Variants in STX12 observed in about 807,000 individuals in gnomAD.
The protein encoded by STX12 is syntaxin 12.
A neutral mutation model predicts 42.2 loss-of-function variants in STX12; 17 were observed. That is an observed-to-expected ratio of 0.40 (90% CI 0.28 to 0.60). STX12 has a LOEUF of 0.60. Among genes scored for constraint, STX12 ranks in the 20% least tolerant of loss-of-function variants. The probability of loss-of-function intolerance (pLI) is 0.39; values close to 1 mark genes in which losing one functional copy is unlikely to be tolerated. For synonymous variants in STX12, 108 were observed against 116.7 expected (o/e 0.93, Z 0.48); for missense variants, 297 against 330.9 (o/e 0.90, Z 0.79).
chr1:27,793,068 T>C (rs563565639), intron 2 of STX12, among the ~76,000 whole-genome samples: 1 of 152,248 alleles, frequency 6.6e-6, no homozygotes, highest in South Asian at 2.1e-4. Flanking sequence ...TGTTTGGAGG[T>C]TGTTCCCTAG....
intron 1 of STX12, among the ~76,000 whole-genome samples, chr1:27,779,358 A>T (rs6689792): frequency 6.7e-6 from 1 of 148,944 alleles, no homozygotes; most frequent in African/African-American, 2.5e-5. Flanking sequence ...TTTTTGAGCC[A>T]AGTCTCACTC....
Position 27,793,622 on chromosome 1 carries a change from C to A in STX12, c.278C>A (p.Thr93Asn), listed in dbSNP as rs1021062789. The A allele has an allele frequency of 2.4e-5, 38 of 1,613,400 alleles. No homozygotes were observed. The highest frequency in any genetic ancestry group is 3.0e-5 in the Non-Finnish European group (35 of 1,179,462). The change falls in exon 3 of 9, where the codon ACT becomes AAT. Residue 93 changes from threonine to asparagine, a missense_variant. Thr to Asn is a moderately conservative substitution (Grantham distance 65). Transcript: ENST00000373943. ...GGGTCCTTGCCCCTTCCCTTATCTA[C>A]TTCAGAACAGGTTGGTATTTTCTGT... ...ELGSLPLPLSTSEQRQQRLQK... is the reference protein window; with the variant it reads ...ELGSLPLPLSNSEQRQQRLQK...
intron 3 of STX12, among the ~76,000 whole-genome samples, chr1:27,798,862 G>C (rs1265168913): frequency 6.7e-6 from 1 of 150,108 alleles, no homozygotes; most frequent in Non-Finnish European, 1.5e-5. Flanking sequence ...GCTGAGGTGA[G>C]AGGATCATTT....
intron 4 of STX12, among the ~76,000 whole-genome samples, chr1:27,808,203 A>T (rs2088877307): frequency 6.6e-6 from 1 of 152,128 alleles, no homozygotes; most frequent in Non-Finnish European, 1.5e-5. Context: ...CTCTGAGTGG[A>T]TAGAAATTTG....
At chr1:27,773,502 C>A in intron 1 of STX12, 77 bp downstream of exon 1, 3 of 1,379,900 alleles carry the variant, frequency 2.2e-6, no homozygotes, top group Non-Finnish European at 3.1e-6. Context: ...GACGCAGGGC[C>A]CGGCTGGGGC....
chr1:27,816,822 A>G (rs907526430), intron 6 of STX12, among the ~76,000 whole-genome samples: 3 of 151,894 alleles, frequency 2.0e-5, no homozygotes, highest in Admixed American at 6.6e-5. Context: ...AGGCTGAGGC[A>G]GGTGAATTGC....
intron 2 of STX12, among the ~76,000 whole-genome samples, chr1:27,791,816 A>G (rs916785045): frequency 6.6e-6 from 1 of 151,666 alleles, no homozygotes; most frequent in Non-Finnish European, 1.5e-5. Context: ...CTCTGTCTCA[A>G]AAAAATAAAA....
At chr1:27,782,405 C>A (rs907357528) in intron 1 of STX12, among the ~76,000 whole-genome samples, 1 of 152,236 alleles carries the variant, frequency 6.6e-6, no homozygotes, top group South Asian at 2.1e-4. Context: ...GCCATATAGG[C>A]GGTCTTAATT....
At chr1:27,798,399 C>T (rs948476145) in intron 3 of STX12, among the ~76,000 whole-genome samples, 3 of 151,734 alleles carry the variant, frequency 2.0e-5, no homozygotes, top group Non-Finnish European at 4.4e-5. Context: ...AATCCCAGCA[C>T]TTTGGGAGGC....
chr1:27,797,875 AACACACACAC>A lies in STX12; in HGVS notation c.289-3779_289-3770del, dbSNP rs61106135. ...AAGGGGAAAAAAAATTCTGAAGGTA[AACACACACAC>A]ACACACACACACACACACACACAGA... On this transcript the variant is annotated intron_variant, in intron 3 of 8. Coordinates refer to ENST00000373943, the MANE Select transcript of STX12 (RefSeq NM_177424.3). 8.4e-5 allele frequency among the ~76,000 whole-genome samples: 12 copies of A among 143,194 alleles called. No homozygotes were observed. The South Asian group carries it at 1.6e-3, about 19-fold the overall frequency. 93.9% of individuals were successfully genotyped at this position (143,194 alleles called of 152,430 possible).
chr1:27,790,612 G>C (rs1314019482), intron 2 of STX12, among the ~76,000 whole-genome samples: 2 of 152,210 alleles, frequency 1.3e-5, no homozygotes, highest in Non-Finnish European at 2.9e-5. Flanking sequence ...TCACCTCTAA[G>C]TATTAAGTAA....
chr1:27,779,199 G>T (rs2088648139), intron 1 of STX12, among the ~76,000 whole-genome samples: 1 of 152,030 alleles, frequency 6.6e-6, no homozygotes, highest in Non-Finnish European at 1.5e-5. Context: ...TTATGGTCTT[G>T]CCCCATTCTA....
At chr1:27,791,261 C>T (rs1483090206) in intron 2 of STX12, among the ~76,000 whole-genome samples, 1 of 151,886 alleles carries the variant, frequency 6.6e-6, no homozygotes, top group Admixed American at 6.6e-5. Flanking sequence ...AACTCCGTCT[C>T]AAAATAAATA....
intron 1 of STX12, among the ~76,000 whole-genome samples, chr1:27,783,157 T>C (rs950920094): frequency 1.3e-5 from 2 of 152,226 alleles, no homozygotes; most frequent in Admixed American, 1.3e-4. Flanking sequence ...TCTGCCGATA[T>C]CAGCTTAAAG....
At chr1:27,812,096 A>C (rs746503948) in intron 5 of STX12, 67 bp from the exon 6 acceptor site, 75 of 1,276,094 alleles carry the variant, frequency 5.9e-5, no homozygotes, top group Non-Finnish European at 7.9e-5. Context: ...GGCAGTAGAG[A>C]TGTTGGAGAT....
intron 7 of STX12, among the ~76,000 whole-genome samples, chr1:27,818,370 G>C (rs1261845803): frequency 6.8e-6 from 1 of 146,236 alleles, no homozygotes; most frequent in Admixed American, 6.7e-5. Flanking sequence ...GACAGAATGA[G>C]ACTTCGTCTC....
intron 5 of STX12, among the ~76,000 whole-genome samples, chr1:27,810,820 C>T (rs1481267082): frequency 6.6e-6 from 1 of 152,138 alleles, no homozygotes; most frequent in Non-Finnish European, 1.5e-5. Flanking sequence ...ACATCCATCC[C>T]TCCCCACTAC....
In STX12 at chr1:27,807,974, G is replaced by T. The variant is rs1440074387; in HGVS notation, c.427-2272G>T. On this transcript the variant is annotated intron_variant, in intron 4 of 8. Transcript: ENST00000373943. Reference sequence around the variant, plus strand: ...CCATTTATGTAAAGTTCAAAAACAGGCAAAATGATATTGAATAAGAATATA... The same window carrying T: ...CCATTTATGTAAAGTTCAAAAACAGTCAAAATGATATTGAATAAGAATATA... 1.6e-4 allele frequency among the ~76,000 whole-genome samples: 24 copies of T among 152,018 alleles called. 1 individual carries two copies. The highest frequency in any genetic ancestry group is 1.6e-3 in the Admixed American group (24 of 15,264).
chr1:27,816,035 G>A (rs775338662), intron 6 of STX12, among the ~76,000 whole-genome samples: 2 of 151,986 alleles, frequency 1.3e-5, no homozygotes, highest in Non-Finnish European at 2.9e-5. Context: ...AATTAGGGCC[G>A]GGCACAGTAC....
Sources: gnomAD v4.1 joint callset for allele counts (sites outside exome capture counted in the v4.1 genomes callset) on GRCh38, gnomAD v4.1.1 for gene constraint, MANE v1.5 for transcripts, NCBI Gene and HGNC (gene_info 2026-07-23, HGNC 2026-07-21) for gene names.